The following TOPBP1 variants were observed in gnomAD, a reference collection of about 807,000 sequenced individuals.
The protein encoded by TOPBP1 is DNA topoisomerase 2-binding protein 1.
In TOPBP1, 28 loss-of-function variants were observed where a neutral mutation model predicts 167.7. That is an observed-to-expected ratio of 0.17 (90% CI 0.12 to 0.23). TOPBP1 has a LOEUF of 0.23. TOPBP1 is among the 10% of genes least tolerant of loss of function. TOPBP1 has a pLI of 1.00. For missense variants in TOPBP1, 1,554 were observed against 1,809.6 expected, an observed-to-expected ratio of 0.86 and a Z score of 2.56; for synonymous variants, 598 against 611.4, an observed-to-expected ratio of 0.98 and a Z score of 0.32.
chr3:133,661,433 TTGTTTTAAGGATACACAGAGTGTATC>T (rs1461563202), intron 1 of TOPBP1, among the ~76,000 whole-genome samples: 1 of 152,242 alleles, frequency 6.6e-6, no homozygotes, highest in Non-Finnish European at 1.5e-5. Flanking sequence ...TCAATTGCAC[TTGTTTTAAGGATACACAGAGTGTATC>T]TGTCCCTGCG....
chr3:133,622,352 C>T (rs1559813813), intron 19 of TOPBP1, among the ~76,000 whole-genome samples: 2 of 151,626 alleles, frequency 1.3e-5, no homozygotes, highest in South Asian at 2.1e-4. Context: ...CCACCATGCC[C>T]GGCTAATTTT....
chr3:133,652,317 T>A, intron 8 of TOPBP1, 146 bp downstream of exon 8: 1 of 737,638 alleles, frequency 1.4e-6, no homozygotes, highest in Non-Finnish European at 2.2e-6. Context: ...AGGATGGACA[T>A]GGTCTAGTAA....
intron 8 of TOPBP1, among the ~76,000 whole-genome samples, chr3:133,651,224 T>C (rs548881715): frequency 6.7e-6 from 1 of 149,880 alleles, no homozygotes; most frequent in Non-Finnish European, 1.5e-5. Context: ...TTCACTCTTG[T>C]TGACCAGGCC....
At chr3:133,652,328 G>C in intron 8 of TOPBP1, 135 bp downstream of exon 8, 1 of 820,864 alleles carries the variant, frequency 1.2e-6, no homozygotes, top group Non-Finnish European at 1.9e-6. Context: ...GGTCTAGTAA[G>C]TGCATCTACT....
intron 16 of TOPBP1, chr3:133,628,106 T>A (rs1345015748): frequency 4.9e-6 from 2 of 408,380 alleles, no homozygotes; most frequent in Non-Finnish European, 8.9e-6. Context: ...TCTAGAATAG[T>A]TAGTGGCATA....
chr3:133,629,456 G>GAAT (rs1210950427), intron 14 of TOPBP1, among the ~76,000 whole-genome samples: 1 of 152,146 alleles, frequency 6.6e-6, no homozygotes, highest in Non-Finnish European at 1.5e-5. Flanking sequence ...CAGTGCAGTG[G>GAAT]CTCCTGTCAG....
chr3:133,661,179 A>C, intron 1 of TOPBP1, 45 bp from the exon 2 acceptor site: 2 of 1,441,706 alleles, frequency 1.4e-6, no homozygotes, highest in Non-Finnish European at 1.9e-6. Flanking sequence ...ACCACATTAG[A>C]TAAAAAGTTG....
chr3:133,610,622 G>A (rs745763869), intron 25 of TOPBP1, among the ~76,000 whole-genome samples: 2 of 144,902 alleles, frequency 1.4e-5, no homozygotes, highest in Non-Finnish European at 3.0e-5. Context: ...GCATGATGTA[G>A]GCTGATTAAA....
chr3:133,658,236 G>A (rs938471959), intron 3 of TOPBP1, among the ~76,000 whole-genome samples: 7 of 152,244 alleles, frequency 4.6e-5, no homozygotes, highest in East Asian at 1.9e-4. Flanking sequence ...GAGGCCGAGC[G>A]GGGGTGGATC....
rs577676647 is a variant in TOPBP1 at position 133,651,708 on chromosome 3, G to C, written c.1089+755C>G. On this transcript the variant is annotated intron_variant, in intron 8 of 27. Coordinates refer to ENST00000260810, the MANE Select transcript of TOPBP1 (RefSeq NM_007027.4). ...CCAAGAAATACCAAACAAAGCAGTG[G>C]CTCTAATGGTGAGGAATACAGACTT... 2.6e-5 allele frequency among the ~76,000 whole-genome samples: 4 copies of C among 152,224 alleles called. No individual in the cohort carries two copies. In the East Asian group the frequency reaches 5.8e-4, roughly 22 times the overall value.
chr3:133,624,041 G>A lies in TOPBP1; in HGVS notation c.2928+11C>T. ...ATTAACAGAGATGGGGGGGAAAAAA[G>A]CACTGCTTACATCTAAAAGCCAGTG... On this transcript the variant is annotated intron_variant, in intron 17 of 27. Transcript: ENST00000260810. 3 of 1,607,430 alleles carry A rather than the reference G, an allele frequency of 1.9e-6. No homozygotes were observed. Among genetic ancestry groups the A allele is most frequent in the South Asian group, 2.2e-5 (2 of 89,448 alleles).
Position 133,658,919 on chromosome 3 carries a change from G to A in TOPBP1, c.219+97C>T, listed in dbSNP as rs1936582229. ...AAGAATTCCAATGTACTCATAAGTT[G>A]CATAGTACTTTATAATCCGCAAAGA... is the stretch of plus-strand genomic sequence containing the variant. On this transcript the variant is annotated intron_variant, in intron 3 of 27. Coordinates refer to ENST00000260810, the MANE Select transcript of TOPBP1 (RefSeq NM_007027.4). The A allele has an allele frequency of 6.8e-6, 9 of 1,314,906 alleles. No homozygotes were observed. In the South Asian group the frequency reaches 1.3e-4, roughly 20 times the overall value. The allele number at this position is 1,314,906 out of a possible 1,614,324, so 81.5% of individuals were successfully genotyped here. A position where few individuals can be genotyped will look rare whatever the true frequency, so the allele number is the denominator to read the frequency against.
intron 17 of TOPBP1, 109 bp from the exon 18 acceptor site, chr3:133,623,566 G>A (rs1421867600): frequency 7.9e-7 from 1 of 1,257,990 alleles, no homozygotes; most frequent in Admixed American, 3.3e-5. Context: ...ATGGCAAAAA[G>A]TTCACAAAAC....
intron 3 of TOPBP1, 126 bp downstream of exon 3, chr3:133,658,890 C>T: frequency 9.3e-7 from 1 of 1,070,404 alleles, no homozygotes; most frequent in South Asian, 2.2e-5. Context: ...TCTTGCCAAA[C>T]CAAAAGAATT....
At position 133,620,187 on chromosome 3, in the gene TOPBP1, G is replaced by C. The variant is rs200988621; in HGVS notation, c.3339C>G (p.Arg1113=). Residue 1113 remains arginine, a synonymous_variant, in exon 20 of 28, where the codon CGC becomes CGG. Transcript: ENST00000260810. ...CCTCTAGGACTCTACTTCGTCCACT[G>C]CGAGCAGAGCGAGTGCTGTCAGGGG... is the stretch of plus-strand genomic sequence containing the variant. ...SSTPDSTRSA[R]SGRSRVLEAL... 2.5e-6 allele frequency: 4 copies of C among 1,613,810 alleles called. No homozygotes were observed. In the African/African-American group the frequency reaches 5.3e-5, roughly 22 times the overall value.
chr3:133,650,170 G>A (rs1005739045), intron 8 of TOPBP1, among the ~76,000 whole-genome samples: 1 of 152,056 alleles, frequency 6.6e-6, no homozygotes, highest in African/African-American at 2.4e-5. Flanking sequence ...GTAGATACTT[G>A]ATAAGTATTT....
chr3:133,611,890 C>T (rs1310997150), intron 24 of TOPBP1, among the ~76,000 whole-genome samples: 1 of 152,118 alleles, frequency 6.6e-6, no homozygotes, highest in Non-Finnish European at 1.5e-5. Flanking sequence ...ATGGGAACCA[C>T]CATGCCCAGC....
intron 14 of TOPBP1, among the ~76,000 whole-genome samples, chr3:133,629,520 G>A (rs1239852963): frequency 6.6e-6 from 1 of 152,112 alleles, no homozygotes; most frequent in Non-Finnish European, 1.5e-5. Context: ...AAGACCAGGA[G>A]TTTTGAGACG....
At chr3:133,605,068 G>A (rs533558832) in intron 27 of TOPBP1, among the ~76,000 whole-genome samples, 1 of 151,724 alleles carries the variant, frequency 6.6e-6, no homozygotes, top group South Asian at 2.1e-4. Flanking sequence ...GACTGGTGGC[G>A]TGCGCTTGTA....
Sources: gnomAD v4.1 joint callset for allele counts (sites outside exome capture counted in the v4.1 genomes callset) on GRCh38, gnomAD v4.1.1 for gene constraint, MANE v1.5 for transcripts, NCBI Gene and HGNC (gene_info 2026-07-23, HGNC 2026-07-21) for gene names.